Variants in CACNA1D observed in about 807,000 individuals in gnomAD.
The protein encoded by CACNA1D is calcium voltage-gated channel subunit alpha1 D, also known as voltage-dependent L-type calcium channel subunit alpha-1D.
Under a neutral mutation model 257.1 loss-of-function variants are expected in CACNA1D, and 55 were observed. The ratio of observed to expected loss-of-function variants is 0.21; its 90% confidence interval spans 0.17 to 0.27. The LOEUF (loss-of-function observed/expected upper bound fraction) is 0.27. Among genes scored for constraint, CACNA1D ranks in the 10% least tolerant of loss-of-function variants. The pLI, the probability that CACNA1D is intolerant of heterozygous loss-of-function variation, is 1.00. For synonymous variants in CACNA1D, 980 were observed against 1,014.9 expected (o/e 0.97, Z 0.65); for missense variants, 1,876 against 2,784.0 (o/e 0.67, Z 7.34).
intron 39 of CACNA1D, 58 bp downstream of exon 39, chr3:53,781,725 T>C: frequency 4.3e-6 from 5 of 1,152,966 alleles, no homozygotes; most frequent in Non-Finnish European, 6.6e-6. Flanking sequence ...TTAATGCTAG[T>C]GTCTCCAGAA....
chr3:53,801,030 C>T (rs2095533814), intron 41 of CACNA1D, 28 bp from the exon 42 acceptor site: 1 of 1,612,230 alleles, frequency 6.2e-7, no homozygotes. Context: ...TGTTAAATTA[C>T]CTGGTGTTGT....
intron 3 of CACNA1D, among the ~76,000 whole-genome samples, chr3:53,636,578 G>A (rs1576180674): frequency 2.0e-5 from 3 of 152,204 alleles, no homozygotes; most frequent in African/African-American, 7.2e-5. Context: ...GAAGTGCTGG[G>A]ATTACAGGCA....
intron 29 of CACNA1D, among the ~76,000 whole-genome samples, chr3:53,755,473 C>T (rs1164916762): frequency 6.6e-6 from 1 of 152,130 alleles, no homozygotes; most frequent in African/African-American, 2.4e-5. Flanking sequence ...GAGGAGAGTT[C>T]AGTAGCGCGT....
intron 3 of CACNA1D, among the ~76,000 whole-genome samples, chr3:53,616,550 C>T (rs1469875444): frequency 1.3e-5 from 2 of 152,178 alleles, no homozygotes; most frequent in African/African-American, 2.4e-5. Flanking sequence ...TGCTTTCTTC[C>T]GTCTTCTTCC....
chr3:53,671,434 G>T (rs2094322166), intron 7 of CACNA1D, among the ~76,000 whole-genome samples: 1 of 152,198 alleles, frequency 6.6e-6, no homozygotes, highest in Non-Finnish European at 1.5e-5. Flanking sequence ...CCCAGGCCAG[G>T]CACAGGCCAC....
At chr3:53,540,097 C>CACAAATG (rs2092255720) in intron 3 of CACNA1D, among the ~76,000 whole-genome samples, 2 of 147,206 alleles carry the variant, frequency 1.4e-5, no homozygotes, top group Admixed American at 6.8e-5. Context: ...TTTTTTTAAA[C>CACAAATG]ACAAATGCTA....
At chr3:53,799,894 G>C (rs2095527363) in intron 40 of CACNA1D, 2 of 357,878 alleles carry the variant, frequency 5.6e-6, no homozygotes, top group Non-Finnish European at 1.1e-5. Context: ...GGAGAGATAG[G>C]GCTCTTGTAG....
At chr3:53,622,844 C>G (rs964083275) in intron 3 of CACNA1D, among the ~76,000 whole-genome samples, 3 of 151,368 alleles carry the variant, frequency 2.0e-5, no homozygotes, top group Non-Finnish European at 2.9e-5. Context: ...AAGAAAAAGG[C>G]ATGAACTGTG....
At chr3:53,651,387 T>TTTTTTTTTC (rs1424407949) in intron 4 of CACNA1D, among the ~76,000 whole-genome samples, 1 of 141,832 alleles carries the variant, frequency 7.1e-6, no homozygotes, top group African/African-American at 2.9e-5. Context: ...TTTTTTTTTT[T>TTTTTTTTTC]TGCTGACTTG....
At chr3:53,719,908 T>C in intron 11 of CACNA1D, 127 bp downstream of exon 11, 2 of 890,248 alleles carry the variant, frequency 2.2e-6, no homozygotes, top group Admixed American at 1.7e-5. Context: ...TGATACTGAA[T>C]TGCAGTCAGT....
chr3:53,762,712 T>G (rs932995941), intron 30 of CACNA1D: 3 of 433,776 alleles, frequency 6.9e-6, no homozygotes, highest in Admixed American at 2.6e-5. Context: ...GGCCCTGCCC[T>G]TAAATCTCCA....
At chr3:53,621,523 G>T (rs1374665067) in intron 3 of CACNA1D, among the ~76,000 whole-genome samples, 3 of 152,142 alleles carry the variant, frequency 2.0e-5, no homozygotes, top group Admixed American at 2.0e-4. Context: ...TGTAACATAG[G>T]CTTAAACATA....
intron 3 of CACNA1D, among the ~76,000 whole-genome samples, chr3:53,555,460 G>GTGTT (rs1553725643): frequency 6.3e-4 from 49 of 78,360 alleles, no homozygotes; most frequent in African/African-American, 2.5e-3. Context: ...GTGTGTGTGT[G>GTGTT]TTTTTTTTTT....
intron 14 of CACNA1D, among the ~76,000 whole-genome samples, chr3:53,726,248 C>T (rs1243943048): frequency 1.3e-5 from 2 of 152,146 alleles, no homozygotes; most frequent in African/African-American, 4.8e-5. Context: ...TGTGTGTAAA[C>T]GTGTTTAAAT....
At chr3:53,510,946 C>A (rs918433738) in intron 3 of CACNA1D, among the ~76,000 whole-genome samples, 1 of 152,158 alleles carries the variant, frequency 6.6e-6, no homozygotes, top group African/African-American at 2.4e-5. Flanking sequence ...ACTATTGTTT[C>A]TTTTGAGTGA....
intron 26 of CACNA1D, among the ~76,000 whole-genome samples, 154 bp downstream of exon 26, chr3:53,747,602 C>G (rs2095183022): frequency 6.6e-6 from 1 of 152,154 alleles, no homozygotes. Flanking sequence ...ACTTCTTGAC[C>G]CACAGGGCCT....
chr3:53,685,600 T>C (rs745963885), intron 8 of CACNA1D, among the ~76,000 whole-genome samples: 6 of 152,142 alleles, frequency 3.9e-5, no homozygotes, highest in Non-Finnish European at 5.9e-5. Context: ...TACCTCTCGA[T>C]TGAAATTTTA....
rs541454863 is a variant in CACNA1D at position 53,810,595 on chromosome 3, T to C, written c.6192+297T>C. 14 of 423,156 alleles carry C rather than the reference T, an allele frequency of 3.3e-5. No individual in the cohort carries two copies. The East Asian group carries it at 6.2e-4, about 19-fold the overall frequency. 26.2% of individuals were successfully genotyped at this position (423,156 alleles called of 1,614,324 possible). A position where few individuals can be genotyped will look rare whatever the true frequency, so the allele number is the denominator to read the frequency against. On this transcript the variant is annotated intron_variant, in intron 47 of 47. Coordinates refer to ENST00000350061, the MANE Select transcript of CACNA1D (RefSeq NM_001128840.3). ...CAACATGGTGAAACCCCGTCTCTAC[T>C]AAAAATACAAAAATTAGCCGGGCGT...
At chr3:53,583,822 AC>A (rs3836503) in intron 3 of CACNA1D, among the ~76,000 whole-genome samples, 48,179 of 152,070 alleles carry the variant, frequency 0.32, 7,759 homozygotes, top group Middle Eastern at 0.43. Flanking sequence ...TTCCCTTGTG[AC>A]ATGGTCTGTT....
Sources: allele counts gnomAD v4.1 joint callset (sites outside exome capture counted in the v4.1 genomes callset), GRCh38; gene constraint gnomAD v4.1.1; transcripts MANE v1.5; gene names NCBI Gene and HGNC (gene_info 2026-07-23, HGNC 2026-07-21).